Variants in EPS15 observed in about 807,000 individuals in gnomAD.
EPS15 encodes epidermal growth factor receptor pathway substrate 15.
Under a neutral mutation model 113.8 loss-of-function variants are expected in EPS15, and 72 were observed. The ratio of observed to expected loss-of-function variants is 0.63; its 90% CI spans 0.52 to 0.77. The LOEUF is 0.77. EPS15 is among the 30% of genes least tolerant of loss of function. The probability of loss-of-function intolerance (pLI) is 0.00; values close to 1 mark genes in which losing one functional copy is unlikely to be tolerated. For synonymous variants in EPS15, 344 were observed against 363.4 expected (o/e 0.95, Z 0.61); for missense variants, 1,048 against 1,045.8 (o/e 1.00, Z -0.03).
intron 1 of EPS15, among the ~76,000 whole-genome samples, chr1:51,496,976 T>C (rs1177344172): frequency 2.6e-5 from 4 of 152,290 alleles, no homozygotes; most frequent in Admixed American, 2.6e-4. Context: ...GCTTGACACA[T>C]AGAAGATAAT....
chr1:51,487,147 G>A (rs1320589939), intron 1 of EPS15, among the ~76,000 whole-genome samples: 1 of 152,016 alleles, frequency 6.6e-6, no homozygotes, highest in Non-Finnish European at 1.5e-5. Flanking sequence ...ATGTAACTCT[G>A]CAAAATACTG....
chr1:51,398,519 A>G (rs938281828), intron 20 of EPS15, among the ~76,000 whole-genome samples: 1 of 146,744 alleles, frequency 6.8e-6, no homozygotes, highest in Non-Finnish European at 1.5e-5. Flanking sequence ...AGCACACACC[A>G]GTACCTGGAT....
At chr1:51,418,505 G>T (rs150478992) in intron 13 of EPS15, among the ~76,000 whole-genome samples, 448 of 152,158 alleles carry the variant, frequency 2.9e-3, no homozygotes, top group Non-Finnish European at 4.7e-3. Context: ...GGAAGGGGGG[G>T]AAAATGGCCA....
chr1:51,492,967 C>A (rs894889252), intron 1 of EPS15, among the ~76,000 whole-genome samples: 1 of 152,200 alleles, frequency 6.6e-6, no homozygotes. Flanking sequence ...GTGGCTCACG[C>A]CTGTAATCCC....
chr1:51,500,202 T>C (rs984455496), intron 1 of EPS15, among the ~76,000 whole-genome samples: 16 of 152,246 alleles, frequency 1.1e-4, no homozygotes, highest in African/African-American at 3.9e-4. Context: ...TGTCAAAGGA[T>C]ACTTGAGTTA....
intron 8 of EPS15, among the ~76,000 whole-genome samples, chr1:51,452,073 G>A (rs1023580385): frequency 1.3e-4 from 19 of 151,148 alleles, no homozygotes; most frequent in African/African-American, 4.6e-4. Flanking sequence ...AAGAGATGAG[G>A]ATTAGCCATG....
chr1:51,360,090 A>G (rs1464168503), intron 24 of EPS15, among the ~76,000 whole-genome samples: 2 of 152,116 alleles, frequency 1.3e-5, no homozygotes, highest in Non-Finnish European at 2.9e-5. Context: ...CCCGGCCTGC[A>G]TGCAGATTCT....
chr1:51,451,679 T>C (rs1266510001), intron 8 of EPS15, among the ~76,000 whole-genome samples: 1 of 150,036 alleles, frequency 6.7e-6, no homozygotes, highest in Non-Finnish European at 1.5e-5. Context: ...GTATTTTTAA[T>C]ACATAAAGCA....
At chr1:51,450,735 CAT>C (rs1653477913) in intron 8 of EPS15, among the ~76,000 whole-genome samples, 1 of 151,700 alleles carries the variant, frequency 6.6e-6, no homozygotes, top group South Asian at 2.1e-4. Context: ...GGAATCTATC[CAT>C]ATGAAATGCT....
intron 11 of EPS15, 90 bp downstream of exon 11, chr1:51,444,799 C>G: frequency 7.8e-7 from 1 of 1,281,372 alleles, no homozygotes; most frequent in Non-Finnish European, 1.1e-6. Context: ...TACATTTTCT[C>G]TTCTATTTCA....
chr1:51,507,672 A>G (rs1474270319), intron 1 of EPS15, among the ~76,000 whole-genome samples: 4 of 152,034 alleles, frequency 2.6e-5, no homozygotes, highest in Non-Finnish European at 5.9e-5. Context: ...GAAAAAAAAA[A>G]AGGAGAACAG....
Position 51,356,417 on chromosome 1 carries a change from G to A in EPS15, c.*283C>T. ...AAGCTTGGGTGCTCTAGCTTTACAA[G>A]TAAAATAGCACAGGCAGGCAAAAGC... On this transcript the variant is annotated 3_prime_UTR_variant, in exon 25 of 25. Transcript: ENST00000371733. 3.1e-6 allele frequency: 1 copy of A among 319,350 alleles called. No homozygotes were observed. Among genetic ancestry groups the A allele is most frequent in the Non-Finnish European group, 5.7e-6 (1 of 175,220 alleles). The allele number at this position is 319,350 out of a possible 1,614,324, so 19.8% of individuals were successfully genotyped here.
chr1:51,390,900 G>T (rs974895941), intron 21 of EPS15, among the ~76,000 whole-genome samples: 2 of 152,228 alleles, frequency 1.3e-5, no homozygotes, highest in African/African-American at 4.8e-5. Context: ...GTGGAATTCA[G>T]TGTGGCAATT....
intron 1 of EPS15, among the ~76,000 whole-genome samples, chr1:51,483,470 C>G (rs1484169501): frequency 2.1e-5 from 3 of 145,650 alleles, no homozygotes; most frequent in Non-Finnish European, 4.5e-5. Flanking sequence ...TCTGGAGAAC[C>G]CTAATACATC....
At chr1:51,358,058 T>TA (rs1278812654) in intron 24 of EPS15, among the ~76,000 whole-genome samples, 1 of 152,156 alleles carries the variant, frequency 6.6e-6, no homozygotes. Context: ...CTGACATCTG[T>TA]AATCCTAGTT....
intron 21 of EPS15, among the ~76,000 whole-genome samples, chr1:51,388,170 T>G (rs1041162336): frequency 2.6e-5 from 4 of 152,144 alleles, no homozygotes; most frequent in African/African-American, 9.7e-5. Flanking sequence ...AGAAACTCAC[T>G]CAAAACCACT....
rs1296626524 is a variant in EPS15, at chr1:51,493,222, G to T, written c.34-11908C>A. On this transcript the variant is annotated intron_variant, in intron 1 of 24. Transcript: ENST00000371733. ...TAAAAATACAAAAAATTAGCCAGAC[G>T]TGGTGGTGGGCGCCTGTAGTCCCAG... Among the ~76,000 whole-genome samples, 4 of 152,224 alleles carry T rather than the reference G, an allele frequency of 2.6e-5. No individual in the cohort carries two copies. The South Asian group carries it at 8.3e-4, about 32-fold the overall frequency.
intron 1 of EPS15, among the ~76,000 whole-genome samples, chr1:51,482,500 C>T (rs977015327): frequency 2.0e-5 from 3 of 151,950 alleles, no homozygotes; most frequent in South Asian, 2.1e-4. Flanking sequence ...AAAATGAAGT[C>T]GCCCAGGCTG....
At chr1:51,402,363 T>G in intron 18 of EPS15, 72 bp downstream of exon 18, 3 of 779,990 alleles carry the variant, frequency 3.8e-6, no homozygotes, top group Non-Finnish European at 6.1e-6. Context: ...ACTGAAGCCT[T>G]GAATCCTTAG....
Sources: allele counts gnomAD v4.1 joint callset (sites outside exome capture counted in the v4.1 genomes callset), GRCh38; gene constraint gnomAD v4.1.1; transcripts MANE v1.5; gene names NCBI Gene and HGNC (gene_info 2026-07-23, HGNC 2026-07-21).